The following KIFBP variants were observed in gnomAD, a reference collection of about 807,000 sequenced individuals.
KIFBP encodes the protein KIF-binding protein.
A neutral mutation model predicts 58.9 loss-of-function variants in KIFBP; 46 were observed. That is an observed-to-expected ratio of 0.78 (90% confidence interval 0.62 to 1.00). The LOEUF is 1.00. Ranked by LOEUF, KIFBP falls within the 50% of genes least tolerant of loss-of-function variation. The probability of loss-of-function intolerance (pLI) is 0.00; values close to 1 mark genes in which losing one functional copy is unlikely to be tolerated. For missense variants in KIFBP, 651 were observed against 752.9 expected (o/e 0.86, Z 1.58); for synonymous variants, 241 against 283.4 (o/e 0.85, Z 1.50).
chr10:68,996,377 A>G (rs1352451256), intron 1 of KIFBP, among the ~76,000 whole-genome samples: 1 of 152,124 alleles, frequency 6.6e-6, no homozygotes, highest in Admixed American at 6.5e-5. Flanking sequence ...CCTGGCCAAC[A>G]TGGCAAAACC....
At chr10:69,000,292 G>T in intron 1 of KIFBP, 132 bp from the exon 2 acceptor site, 1 of 691,978 alleles carries the variant, frequency 1.4e-6, no homozygotes, top group South Asian at 1.5e-5. Context: ...CAATATCATT[G>T]TGAATAATTA....
chr10:69,003,422 A>G (rs187752559), intron 2 of KIFBP, among the ~76,000 whole-genome samples: 6 of 152,284 alleles, frequency 3.9e-5, no homozygotes, highest in Admixed American at 2.0e-4. Context: ...TTTAGTGTTT[A>G]CATCCAGAAT....
At chr10:68,989,690 T>C in intron 1 of KIFBP, 1 of 188,148 alleles carries the variant, frequency 5.3e-6, no homozygotes, top group Non-Finnish European at 1.1e-5. Flanking sequence ...CTTTTTTGGT[T>C]TTGTCTTGTT....
At chr10:68,994,876 C>T (rs577544797) in intron 1 of KIFBP, among the ~76,000 whole-genome samples, 1 of 151,804 alleles carries the variant, frequency 6.6e-6, no homozygotes, top group Admixed American at 6.6e-5. Context: ...TTCCTCCCTT[C>T]TGCTTGCCCC....
chr10:69,000,917 A>G (rs1843459232), intron 2 of KIFBP, among the ~76,000 whole-genome samples: 1 of 152,190 alleles, frequency 6.6e-6, no homozygotes, highest in African/African-American at 2.4e-5. Context: ...AATGGTTCTC[A>G]AATGTTAGCA....
In KIFBP at chr10:69,002,577, A is replaced by G. The variant is rs189438158; in HGVS notation, c.525+2055A>G. On this transcript the variant is annotated intron_variant, in intron 2 of 6. Coordinates refer to ENST00000361983, the MANE Select transcript of KIFBP (RefSeq NM_015634.4). ...TTAGGCTCACAGTCTTATATGTGAA[A>G]TTGTTAATTTAAAATGTAAGGTCTG... 2.2e-3 allele frequency among the ~76,000 whole-genome samples: 339 copies of G among 152,146 alleles called. 2 individuals are homozygous for G. Among genetic ancestry groups the G allele is most frequent in the African/African-American group, 7.7e-3 (318 of 41,518 alleles).
chr10:69,000,969 G>A (rs1053967013), intron 2 of KIFBP, among the ~76,000 whole-genome samples: 4 of 152,086 alleles, frequency 2.6e-5, no homozygotes, highest in Non-Finnish European at 4.4e-5. Context: ...CAGCAGACTG[G>A]GCATCCAGGC....
In KIFBP at chr10:69,016,509, A is replaced by G. The variant is rs1839008153; in HGVS notation, c.*93A>G. 7.0e-6 allele frequency: 9 copies of G among 1,290,422 alleles called. No individual in the cohort carries two copies. The South Asian group carries it at 1.1e-4, about 16-fold the overall frequency. The allele number at this position is 1,290,422 out of a possible 1,614,324, so 79.9% of individuals were successfully genotyped here. On this transcript the variant is annotated 3_prime_UTR_variant, in exon 7 of 7. Transcript: ENST00000361983. ...ATTCCATTGTGATGTTTACCTTTAT[A>G]GCCAGGTGAGTGCAGTTTGAACTTG...
rs1208847370 is a variant in KIFBP, at chr10:69,010,979, T to C, written c.954T>C (p.Cys318=). Residue 318 remains cysteine (C), a synonymous_variant, in exon 6 of 7, where the codon TGT becomes TGC. Transcript: ENST00000361983. The part of the protein sequence containing the change: ...GEIARCWIKY[C]LTLMQNAQLS... ...TAGCAAGGTGCTGGATCAAATACTG[T>C]TTGACTCTCATGCAGAATGCCCAAC... 7.4e-6 allele frequency: 12 copies of C among 1,614,070 alleles called. No individual in the cohort carries two copies. Among genetic ancestry groups the C allele is most frequent in the Non-Finnish European group, 9.3e-6 (11 of 1,179,922 alleles).
intron 2 of KIFBP, among the ~76,000 whole-genome samples, chr10:69,002,989 C>T (rs1165983645): frequency 7.0e-6 from 1 of 142,532 alleles, no homozygotes; most frequent in Non-Finnish European, 1.5e-5. Context: ...GGGAAGATTG[C>T]TTGATGCCAG....
chr10:69,003,220 T>C (rs1843491018), intron 2 of KIFBP, among the ~76,000 whole-genome samples: 1 of 152,140 alleles, frequency 6.6e-6, no homozygotes, highest in African/African-American at 2.4e-5. Context: ...GCCATAACAG[T>C]GAAGTATGTA....
chr10:69,001,404 A>G (rs1316327253), intron 2 of KIFBP, among the ~76,000 whole-genome samples: 2 of 152,202 alleles, frequency 1.3e-5, no homozygotes, highest in Non-Finnish European at 2.9e-5. Context: ...AAAGGGAAAT[A>G]ATCAGGCACA....
At chr10:69,011,229 T>C in intron 6 of KIFBP, 1 of 516,356 alleles carries the variant, frequency 1.9e-6, no homozygotes. Flanking sequence ...ATTGGACCAC[T>C]GCACTCCAGC....
At position 69,005,085 on chromosome 10, in the gene KIFBP, C is replaced by A; in HGVS notation, c.565C>A (p.Pro189Thr). ...TCTTGATCCTACTGAGCGTTTTCTT[C>A]CTGAAGAAGAGAAACTTACTGAACA... Reference protein sequence around the residue: ...PPLDPTERFLPEEEKLTEQER... With the variant: ...PPLDPTERFLTEEEKLTEQER... The change falls in exon 3 of 7, where the codon CCT becomes ACT. Residue 189 changes from proline to threonine, a missense_variant. By Grantham distance (38) the Pro-to-Thr change is conservative (BLOSUM62 -1). Transcript: ENST00000361983. 1 of 1,613,528 alleles carries A rather than the reference C, an allele frequency of 6.2e-7. No individual in the cohort carries two copies. The highest frequency in any genetic ancestry group is 1.1e-5 in the South Asian group (1 of 91,072).
At chr10:69,008,173 C>A (rs1004337199) in intron 4 of KIFBP, among the ~76,000 whole-genome samples, 9 of 151,456 alleles carry the variant, frequency 5.9e-5, no homozygotes, top group African/African-American at 2.2e-4. Flanking sequence ...TCTATAACCC[C>A]AGCACCCTGG....
At position 69,015,788 on chromosome 10, in the gene KIFBP, A is replaced by T; in HGVS notation, c.1238A>T (p.Asp413Val). Residue 413 changes from aspartate (D) to valine (V), a missense_variant, in exon 7 of 7, where the codon GAT (aspartate) becomes GTT (valine). Physicochemically the swap from Asp to Val is radical, Grantham distance 152. Transcript: ENST00000361983. ...GAGGCAAAAGAGTTCTTTCAGATTG[A>T]TGGTTATGTCACTGACCATATTGAA... ...VFEAKEFFQI[D>V]GYVTDHIEVV... 1.9e-6 allele frequency: 3 copies of T among 1,614,176 alleles called. No individual in the cohort carries two copies. Among genetic ancestry groups the T allele is most frequent in the Non-Finnish European group, 2.5e-6 (3 of 1,180,034 alleles).
Position 68,992,201 on chromosome 10 carries a change from C to T in KIFBP, c.426+2943C>T, listed in dbSNP as rs141559880. ...AGAGACGGTGTTTCACCATGTTGCTCGGGCTGGTCTCGAACTACTGAGCTC... is the reference window on the plus strand; with the variant it reads ...AGAGACGGTGTTTCACCATGTTGCTTGGGCTGGTCTCGAACTACTGAGCTC... On this transcript the variant is annotated intron_variant, in intron 1 of 6. Coordinates refer to ENST00000361983, the MANE Select transcript of KIFBP (RefSeq NM_015634.4). Among the ~76,000 whole-genome samples the T allele has an allele frequency of 1.7e-3, 252 of 152,152 alleles. 2 individuals carry two copies. Among genetic ancestry groups the T allele is most frequent in the African/African-American group, 5.8e-3 (242 of 41,510 alleles).
At chr10:69,008,391 A>AAAAAAAAAAAAAAAAAAATATATATAT in intron 4 of KIFBP, among the ~76,000 whole-genome samples, 1 of 71,614 alleles carries the variant, frequency 1.4e-5, no homozygotes. Context: ...AAAAAAAAAA[A>AAAAAAAAAAAAAAAAAAATATATATAT]ATATATATAT....
chr10:69,004,688 A>G (rs2487706), intron 2 of KIFBP, among the ~76,000 whole-genome samples: 62,236 of 151,856 alleles, frequency 0.41, 13,192 homozygotes, highest in Non-Finnish European at 0.49. Flanking sequence ...ACATAGCGAA[A>G]CCCTGTCTCT....
Sources: allele counts gnomAD v4.1 joint callset (sites outside exome capture counted in the v4.1 genomes callset), GRCh38; gene constraint gnomAD v4.1.1; transcripts MANE v1.5; gene names NCBI Gene and HGNC (gene_info 2026-07-23, HGNC 2026-07-21).